GDF7: variants seen among roughly 807,000 people sequenced by gnomAD.
GDF7 encodes the protein growth differentiation factor 7.
In GDF7, 12 loss-of-function variants were observed where a neutral mutation model predicts 13.4. The ratio of observed to expected loss-of-function variants is 0.90; its 90% CI spans 0.57 to 1.45. GDF7 has a LOEUF of 1.45. Among genes scored for constraint, GDF7 ranks in the 40% most tolerant of loss-of-function variants. GDF7 has a pLI of 0.00. For synonymous variants in GDF7, 330 were observed against 306.4 expected (o/e 1.08, Z -0.80); for missense variants, 651 against 652.4 (o/e 1.00, Z 0.02).
rs1322393865 is a variant in GDF7 at position 20,672,204 on chromosome 2, C to G, written c.*779C>G. The G allele has an allele frequency of 2.0e-5, 3 of 146,754 alleles. No individual in the cohort carries two copies. In the East Asian group the frequency reaches 6.2e-4, roughly 30 times the overall value. The allele number at this position is 146,754 out of a possible 1,614,324, so 9.1% of individuals were successfully genotyped here. A position where few individuals can be genotyped will look rare whatever the true frequency, so the allele number is the denominator to read the frequency against. On this transcript the variant is annotated 3_prime_UTR_variant, in exon 2 of 2. Transcript: ENST00000272224. ...GAAAGGATATTTTTCTTTTAAACGG[C>G]TGAGTCTGATCTAACAGGATATTGG...
Position 20,679,005 on chromosome 2 carries a change from C to G in GDF7, c.*7580C>G, listed in dbSNP as rs1384819788. ...GCAAGCTGACATTGTGAGGTGTTGC[C>G]GATGCCCAGGCCAGCTAGCAGGGAG... On this transcript the variant is annotated 3_prime_UTR_variant, in exon 2 of 2. Coordinates refer to ENST00000272224, the MANE Select transcript of GDF7 (RefSeq NM_182828.4). The G allele has an allele frequency of 6.6e-6, 1 of 152,118 alleles. No homozygotes were observed. Among genetic ancestry groups the G allele is most frequent in the Non-Finnish European group, 1.5e-5 (1 of 68,018 alleles). The allele number at this position is 152,118 out of a possible 1,614,324, so 9.4% of individuals were successfully genotyped here. A position where few individuals can be genotyped will look rare whatever the true frequency, so the allele number is the denominator to read the frequency against.
chr2:20,667,859 C>T lies in GDF7; in HGVS notation c.391+229C>T, dbSNP rs545487880. Among the ~76,000 whole-genome samples, 4 of 152,324 alleles carry T rather than the reference C, an allele frequency of 2.6e-5. No individual in the cohort carries two copies. In the South Asian group the frequency reaches 8.3e-4, roughly 32 times the overall value. ...CCAGTCCCAGAGGGCTGACTGGTCC[C>T]TCTCCCAGGTCTCCCTGGCCTTGCA... On this transcript the variant is annotated intron_variant, in intron 1 of 1. Coordinates refer to ENST00000272224, the MANE Select transcript of GDF7 (RefSeq NM_182828.4). The surrounding 1 kb of genome is among the most constrained non-coding windows in gnomAD (Gnocchi z 6.4).
rs368425605 is a variant in GDF7, at chr2:20,670,917, G to T, written c.845G>T (p.Arg282Leu). 6.4e-6 allele frequency: 10 copies of T among 1,567,490 alleles called. No individual in the cohort carries two copies. The African/African-American group carries it at 1.4e-4, about 22-fold the overall frequency. Residue 282 changes from arginine (R) to leucine (L), a missense_variant, in exon 2 of 2, where the codon CGG (arginine) becomes CTG (leucine). Physicochemically the swap from Arg to Leu is moderately radical, Grantham distance 102. This residue lies in a region of GDF7 where 487 missense variants were observed against 445.9 expected (regional missense o/e 1.09). Coordinates refer to ENST00000272224, the MANE Select transcript of GDF7 (RefSeq NM_182828.4). ...SRTQRKESLF[R>L]EIRAQARALG... ...ACGCAGAGGAAAGAGAGCTTATTCC[G>T]GGAGATCCGCGCCCAGGCCCGCGCG...
At position 20,671,994 on chromosome 2, in the gene GDF7, CTTTTTT is replaced by C. The variant is rs142463901; in HGVS notation, c.*571_*576del. On this transcript the variant is annotated 3_prime_UTR_variant, in exon 2 of 2. Transcript: ENST00000272224. Reference sequence around the variant, plus strand: ...TGGAACTGCTGCAAAAAGCATCTTTCTTTTTTTAACTTTTAAAATTTAACGTGCCCC... The same window carrying C: ...TGGAACTGCTGCAAAAAGCATCTTTCTAACTTTTAAAATTTAACGTGCCCC... 6,897 of 152,026 alleles carry C rather than the reference CTTTTTT, an allele frequency of 0.045. 172 individuals carry two copies. The highest frequency in any genetic ancestry group is 0.085 in the Middle Eastern group (25 of 294). 9.4% of individuals were successfully genotyped at this position (152,026 alleles called of 1,614,324 possible).
Position 20,670,623 on chromosome 2 carries a change from C to T in GDF7, c.551C>T (p.Thr184Met), listed in dbSNP as rs1374029999. The part of the protein sequence containing the change: ...WTSPPLLLLS[T>M]CPGAARAPRL... ...TCTCCGCCGTTGCTGCTGCTGTCCA[C>T]GTGCCCGGGCGCCGCCCGAGCGCCA... Residue 184 changes from threonine to methionine, a missense_variant, in exon 2 of 2, where the codon ACG (threonine) becomes ATG (methionine). Thr to Met is a moderately conservative substitution (Grantham distance 81). Transcript: ENST00000272224. 3 of 1,571,596 alleles carry T rather than the reference C, an allele frequency of 1.9e-6. No individual in the cohort carries two copies. The highest frequency in any genetic ancestry group is 3.6e-5 in the Admixed American group (2 of 54,948).
At position 20,671,602 on chromosome 2, in the gene GDF7, G is replaced by T. The variant is rs1043741696; in HGVS notation, c.*177G>T. ...TCGTGCAGTCACGCACACATTTACC[G>T]GGGACAGCATGTGAAAGCCTTGGGA... On this transcript the variant is annotated 3_prime_UTR_variant, in exon 2 of 2. Transcript: ENST00000272224. The T allele has an allele frequency of 9.3e-6, 6 of 645,502 alleles. No homozygotes were observed. The Admixed American group carries it at 1.8e-4, about 19-fold the overall frequency. 40.0% of individuals were successfully genotyped at this position (645,502 alleles called of 1,614,324 possible).
chr2:20,667,636 T>C lies in GDF7; in HGVS notation c.391+6T>C. On this transcript the variant is annotated splice_donor_region_variant and intron_variant, in intron 1 of 1. Transcript: ENST00000272224. This position sits in a 1 kb window ranked among gnomAD's most constrained non-coding sequence, Gnocchi z 6.4. ...CACAGACCAGGCGACCCAAGGTACT[T>C]ACGCCTCTTCTGTGCCCGCCCATCC... The C allele has an allele frequency of 6.8e-7, 1 of 1,468,028 alleles. No homozygotes were observed. The allele number at this position is 1,468,028 out of a possible 1,614,324, so 90.9% of individuals were successfully genotyped here.
Position 20,672,636 on chromosome 2 carries a change from G to C in GDF7, c.*1211G>C, listed in dbSNP as rs368020361. 1 of 152,258 alleles carries C rather than the reference G, an allele frequency of 6.6e-6. No homozygotes were observed. The highest frequency in any genetic ancestry group is 2.4e-5 in the African/African-American group (1 of 41,464). The allele number at this position is 152,258 out of a possible 1,614,324, so 9.4% of individuals were successfully genotyped here. Reference sequence around the variant, plus strand: ...AGTGAAGCCACTCAAAAATGCTTTTGTCAGACTTCAACTCACAACCCAGAC... The same window carrying C: ...AGTGAAGCCACTCAAAAATGCTTTTCTCAGACTTCAACTCACAACCCAGAC... On this transcript the variant is annotated 3_prime_UTR_variant, in exon 2 of 2. Coordinates refer to ENST00000272224, the MANE Select transcript of GDF7 (RefSeq NM_182828.4).
chr2:20,667,650 G>A lies in GDF7; in HGVS notation c.391+20G>A, dbSNP rs949165760. ...CCCAAGGTACTTACGCCTCTTCTGTGCCCGCCCATCCCGTCAGGTCCTGGG... is the reference window on the plus strand; with the variant it reads ...CCCAAGGTACTTACGCCTCTTCTGTACCCGCCCATCCCGTCAGGTCCTGGG... On this transcript the variant is annotated intron_variant, in intron 1 of 1. Coordinates refer to ENST00000272224, the MANE Select transcript of GDF7 (RefSeq NM_182828.4). This position sits in a 1 kb window ranked among gnomAD's most constrained non-coding sequence, Gnocchi z 6.4. 3.6e-6 allele frequency: 5 copies of A among 1,400,662 alleles called. No individual in the cohort carries two copies. In the South Asian group the frequency reaches 6.3e-5, roughly 18 times the overall value. The allele number at this position is 1,400,662 out of a possible 1,614,324, so 86.8% of individuals were successfully genotyped here.
In GDF7 at chr2:20,671,798, G is replaced by A. The variant is rs1238766979; in HGVS notation, c.*373G>A. On this transcript the variant is annotated 3_prime_UTR_variant, in exon 2 of 2. Transcript: ENST00000272224. ...GTTAGGAAATTCGAAGTTCCAGAAT[G>A]GGAGAACCAAAGGGGTACTCGAGCA... 2.7e-5 allele frequency: 7 copies of A among 260,484 alleles called. No individual in the cohort carries two copies. In the Admixed American group the frequency reaches 3.6e-4, roughly 13 times the overall value. 16.1% of individuals were successfully genotyped at this position (260,484 alleles called of 1,614,324 possible). A position where few individuals can be genotyped will look rare whatever the true frequency, so the allele number is the denominator to read the frequency against.
In GDF7 at chr2:20,674,637, T is replaced by G. The variant is rs1003207802; in HGVS notation, c.*3212T>G. ...ACTTTCCAAACAGCCGCACTGGGTC[T>G]TCCAGAGAAGGTGGCAGGCTTTGCT... On this transcript the variant is annotated 3_prime_UTR_variant, in exon 2 of 2. Transcript: ENST00000272224. 15 of 152,300 alleles carry G rather than the reference T, an allele frequency of 9.8e-5. No individual in the cohort carries two copies. Among genetic ancestry groups the G allele is most frequent in the African/African-American group, 3.6e-4 (15 of 41,472 alleles). The allele number at this position is 152,300 out of a possible 1,614,324, so 9.4% of individuals were successfully genotyped here.
chr2:20,670,674 A>G lies in GDF7; in HGVS notation c.602A>G (p.Glu201Gly). The change falls in exon 2 of 2, where the codon GAG becomes GGG. Residue 201 changes from glutamate to glycine, a missense_variant. Coordinates refer to ENST00000272224, the MANE Select transcript of GDF7 (RefSeq NM_182828.4). ...APRLLYSRAA[E>G]PLVGQRWEAF... is the part of the protein sequence containing the mutation. ...CGCCTGCTGTACTCGCGGGCAGCTG[A>G]GCCCCTAGTCGGTCAGCGCTGGGAG... 6.6e-7 allele frequency: 1 copy of G among 1,522,760 alleles called. No homozygotes were observed. The highest frequency in any genetic ancestry group is 1.2e-5 in the South Asian group (1 of 80,970). The allele number at this position is 1,522,760 out of a possible 1,614,324, so 94.3% of individuals were successfully genotyped here. A position where few individuals can be genotyped will look rare whatever the true frequency, so the allele number is the denominator to read the frequency against.
At position 20,670,964 on chromosome 2, in the gene GDF7, G is replaced by A. The variant is rs1410422338; in HGVS notation, c.892G>A (p.Glu298Lys). 1.9e-6 allele frequency: 3 copies of A among 1,561,304 alleles called. No individual in the cohort carries two copies. Among genetic ancestry groups the A allele is most frequent in the Non-Finnish European group, 2.6e-6 (3 of 1,161,110 alleles). Residue 298 changes from glutamate to lysine, a missense_variant, in exon 2 of 2, where the codon GAG becomes AAG. Glu to Lys is a moderately conservative substitution (Grantham distance 56). Around this residue, in one of 4 missense-constraint regions of GDF7, gnomAD observed 487 missense variants for 445.9 expected, o/e 1.09. Coordinates refer to ENST00000272224, the MANE Select transcript of GDF7 (RefSeq NM_182828.4). Reference protein sequence around the residue: ...ARALGAALASEPLPDPGTGTA... With the variant: ...ARALGAALASKPLPDPGTGTA... ...CGCGCTCGGGGCCGCTCTGGCCTCA[G>A]AGCCGCTGCCCGACCCAGGAACCGG... is the stretch of plus-strand genomic sequence containing the variant.
At position 20,670,494 on chromosome 2, in the gene GDF7, T is replaced by A; in HGVS notation, c.422T>A (p.Phe141Tyr). 1.3e-6 allele frequency: 2 copies of A among 1,571,762 alleles called. No individual in the cohort carries two copies. Among genetic ancestry groups the A allele is most frequent in the Non-Finnish European group, 8.6e-7 (1 of 1,159,852 alleles). Residue 141 changes from phenylalanine (F) to tyrosine (Y), a missense_variant, in exon 2 of 2, where the codon TTC becomes TAC. This residue lies in a region of GDF7 where 487 missense variants were observed against 445.9 expected (regional missense o/e 1.09). Coordinates refer to ENST00000272224, the MANE Select transcript of GDF7 (RefSeq NM_182828.4). ...DESAAETGQS[F>Y]LFDVSSLNDA... ...TCGGCAGCCGAAACAGGCCAGAGCT[T>A]CCTGTTCGACGTGTCCAGCCTTAAC... is the stretch of plus-strand genomic sequence containing the variant.
chr2:20,671,657 A>T lies in GDF7; in HGVS notation c.*232A>T. ...ATGACCTGCCGGTACCGAATGTCAAAGCCCTGTGTATTTTGCAAACAGATA... is the reference window on the plus strand; with the variant it reads ...ATGACCTGCCGGTACCGAATGTCAATGCCCTGTGTATTTTGCAAACAGATA... On this transcript the variant is annotated 3_prime_UTR_variant, in exon 2 of 2. Coordinates refer to ENST00000272224, the MANE Select transcript of GDF7 (RefSeq NM_182828.4). 1 of 548,440 alleles carries T rather than the reference A, an allele frequency of 1.8e-6. No individual in the cohort carries two copies. Among genetic ancestry groups the T allele is most frequent in the South Asian group, 2.1e-5 (1 of 46,994 alleles). 34.0% of individuals were successfully genotyped at this position (548,440 alleles called of 1,614,324 possible).
In GDF7 at chr2:20,671,815, ACT is replaced by A. The variant is rs1289392100; in HGVS notation, c.*392_*393del. 1 of 245,462 alleles carries A rather than the reference ACT, an allele frequency of 4.1e-6. No homozygotes were observed. Among genetic ancestry groups the A allele is most frequent in the Admixed American group, 5.2e-5 (1 of 19,110 alleles). 15.2% of individuals were successfully genotyped at this position (245,462 alleles called of 1,614,324 possible). A position where few individuals can be genotyped will look rare whatever the true frequency, so the allele number is the denominator to read the frequency against. On this transcript the variant is annotated 3_prime_UTR_variant, in exon 2 of 2. Coordinates refer to ENST00000272224, the MANE Select transcript of GDF7 (RefSeq NM_182828.4). ...TCCAGAATGGGAGAACCAAAGGGGT[ACT>A]CGAGCATGCTTTATCTCACCCCCTT... is the stretch of plus-strand genomic sequence containing the variant.
Position 20,673,703 on chromosome 2 carries a change from A to C in GDF7, c.*2278A>C, listed in dbSNP as rs1004218250. 1 of 152,172 alleles carries C rather than the reference A, an allele frequency of 6.6e-6. No homozygotes were observed. The allele number at this position is 152,172 out of a possible 1,614,324, so 9.4% of individuals were successfully genotyped here. ...TGGCCTTTTTATAGTAGGGAAAAAAACTGTCAATTTCCCCTCTTTCCTTCT... is the reference window on the plus strand; with the variant it reads ...TGGCCTTTTTATAGTAGGGAAAAAACCTGTCAATTTCCCCTCTTTCCTTCT... On this transcript the variant is annotated 3_prime_UTR_variant, in exon 2 of 2. Coordinates refer to ENST00000272224, the MANE Select transcript of GDF7 (RefSeq NM_182828.4).
In GDF7 at chr2:20,671,137, C is replaced by T. The variant is rs1380262246; in HGVS notation, c.1065C>T (p.His355=). 3.7e-5 allele frequency: 59 copies of T among 1,612,566 alleles called. No individual in the cohort carries two copies. Among genetic ancestry groups the T allele is most frequent in the Non-Finnish European group, 4.9e-5 (58 of 1,179,600 alleles). ...GCCGCTGCAGCCGCAAGCCGTTGCA[C>T]GTGGACTTCAAGGAGCTCGGCTGGG... ...GRSRCSRKPL[H]VDFKELGWDD... Residue 355 remains histidine (H), a synonymous_variant, in exon 2 of 2, where the codon CAC becomes CAT. Transcript: ENST00000272224.
chr2:20,667,313 C>T lies in GDF7; in HGVS notation c.74C>T (p.Ala25Val). Reference sequence around the variant, plus strand: ...TGCCGCCCCCGCGACGGGCTGGAAGCGGCCGCCGTGCTGCGAGCGGCGGGG... The same window carrying T: ...TGCCGCCCCCGCGACGGGCTGGAAGTGGCCGCCGTGCTGCGAGCGGCGGGG... The part of the protein sequence containing the change: ...SACRPRDGLE[A>V]AAVLRAAGAG... Residue 25 changes from alanine to valine, a missense_variant, in exon 1 of 2, where the codon GCG becomes GTG. Around this residue, in one of 4 missense-constraint regions of GDF7, gnomAD observed 61 missense variants for 50.5 expected, o/e 1.21. Transcript: ENST00000272224. This position sits in a 1 kb window ranked among gnomAD's most constrained non-coding sequence, Gnocchi z 6.4. 8.9e-7 allele frequency: 1 copy of T among 1,124,758 alleles called. No individual in the cohort carries two copies. Among genetic ancestry groups the T allele is most frequent in the Non-Finnish European group, 1.1e-6 (1 of 918,816 alleles). 69.7% of individuals were successfully genotyped at this position (1,124,758 alleles called of 1,614,324 possible).
Sources: allele counts gnomAD v4.1 joint callset (sites outside exome capture counted in the v4.1 genomes callset), GRCh38; gene constraint gnomAD v4.1.1; regional missense constraint gnomAD v4.1.1; non-coding constraint Gnocchi (gnomAD v3.1); transcripts MANE v1.5; gene names NCBI Gene and HGNC (gene_info 2026-07-23, HGNC 2026-07-21).